Variants in SLIT1 observed in about 807,000 individuals in gnomAD.
SLIT1 encodes the protein slit homolog 1 protein.
SLIT1 carries 66 observed loss-of-function variants against 186.1 expected under a neutral mutation model. That is an observed-to-expected ratio of 0.35 (90% CI 0.29 to 0.44). SLIT1 has a LOEUF of 0.44. Ranked by LOEUF, SLIT1 falls within the 20% of genes least tolerant of loss-of-function variation. SLIT1 has a pLI of 1.00. For synonymous variants in SLIT1, 761 were observed against 833.8 expected, an observed-to-expected ratio of 0.91 and a Z score of 1.50; for missense variants, 1,638 against 2,037.4, an observed-to-expected ratio of 0.80 and a Z score of 3.77.
In SLIT1 at chr10:97,006,683, G is replaced by C; in HGVS notation, c.3379C>G (p.Pro1127Ala). Residue 1127 changes from proline to alanine, a missense_variant, in exon 32 of 37, where the codon CCC becomes GCC. Physicochemically the swap from Pro to Ala is conservative, Grantham distance 27. Coordinates refer to ENST00000266058, the MANE Select transcript of SLIT1 (RefSeq NM_003061.3). The surrounding 1 kb of genome is among the most constrained non-coding windows in gnomAD (Gnocchi z 4.0). Reference sequence around the variant, plus strand: ...TCAGTCCCCTCACAGGGGCTCTTGGGGGCAGGCAGATGGGGAGGGATCTCA... The same window carrying C: ...TCAGTCCCCTCACAGGGGCTCTTGGCGGCAGGCAGATGGGGAGGGATCTCA... ...LCEIPPHLPA[P>A]KSPCEGTECQ... 6.2e-7 allele frequency: 1 copy of C among 1,614,098 alleles called. No homozygotes were observed. Among genetic ancestry groups the C allele is most frequent in the Non-Finnish European group, 8.5e-7 (1 of 1,179,986 alleles).
rs368638296 is a variant in SLIT1, at chr10:97,030,713, G to A, written c.2582+44C>T. The stretch of plus-strand genomic sequence containing the variant: ...GGGATCTTCTCAGAAACCAAGTCCT[G>A]TTGAAATCCAAAGAGGCCCAGAGAA... On this transcript the variant is annotated intron_variant, in intron 25 of 36. Transcript: ENST00000266058. 3.9e-5 allele frequency: 58 copies of A among 1,499,668 alleles called. No individual in the cohort carries two copies. The African/African-American group carries it at 7.0e-4, about 18-fold the overall frequency. The allele number at this position is 1,499,668 out of a possible 1,614,324, so 92.9% of individuals were successfully genotyped here. A position where few individuals can be genotyped will look rare whatever the true frequency, so the allele number is the denominator to read the frequency against.
intron 4 of SLIT1, among the ~76,000 whole-genome samples, chr10:97,126,124 C>T (rs1035663558): frequency 6.6e-6 from 1 of 152,100 alleles, no homozygotes. Context: ...TATATGTCTC[C>T]GTCTTATTTA....
At chr10:97,027,156 G>T (rs1848553102) in intron 25 of SLIT1, among the ~76,000 whole-genome samples, 1 of 152,192 alleles carries the variant, frequency 6.6e-6, no homozygotes, top group South Asian at 2.1e-4. Flanking sequence ...ACCCTCGATT[G>T]TCACTTGTCA....
In SLIT1 at chr10:97,021,220, A is replaced by AG. The variant is rs1848499370; in HGVS notation, c.2746+29dup. On this transcript the variant is annotated intron_variant, in intron 26 of 36. Coordinates refer to ENST00000266058, the MANE Select transcript of SLIT1 (RefSeq NM_003061.3). This position sits in a 1 kb window ranked among gnomAD's most constrained non-coding sequence, Gnocchi z 4.5. ...TGTTGGGCAAGTTCTGTGAGCCCCC[A>AG]GCAGCAGGAGGCTGTGCTCCTAGGC... 1.2e-6 allele frequency: 2 copies of AG among 1,603,550 alleles called. No homozygotes were observed. The highest frequency in any genetic ancestry group is 1.7e-4 in the Middle Eastern group (1 of 6,026).
At chr10:97,033,793 G>A (rs1848612332) in intron 23 of SLIT1, among the ~76,000 whole-genome samples, 1 of 151,970 alleles carries the variant, frequency 6.6e-6, no homozygotes, top group South Asian at 2.1e-4. Flanking sequence ...CAGGACAGCA[G>A]CTGCCTTGGG....
intron 4 of SLIT1, among the ~76,000 whole-genome samples, chr10:97,140,456 G>C (rs1206500057): frequency 6.6e-6 from 1 of 152,182 alleles, no homozygotes; most frequent in Admixed American, 6.5e-5. Flanking sequence ...CCCGCCAAAG[G>C]GAATTCTCCG....
chr10:97,060,041 C>A, intron 10 of SLIT1, 46 bp downstream of exon 10: 2 of 1,516,160 alleles, frequency 1.3e-6, no homozygotes, highest in Non-Finnish European at 1.8e-6. Flanking sequence ...CCAGGATCTC[C>A]GTCAGCCCTG....
At chr10:97,071,603 G>A (rs1849001649) in intron 4 of SLIT1, among the ~76,000 whole-genome samples, 1 of 152,232 alleles carries the variant, frequency 6.6e-6, no homozygotes, top group Non-Finnish European at 1.5e-5. Flanking sequence ...ACAGAGAAGA[G>A]GAGGAATCAA....
intron 1 of SLIT1, among the ~76,000 whole-genome samples, chr10:97,177,533 C>T (rs572298824): frequency 3.9e-4 from 59 of 152,164 alleles, no homozygotes; most frequent in Non-Finnish European, 7.3e-4. Context: ...GAAAGTAACA[C>T]AAATGTATTA....
intron 4 of SLIT1, among the ~76,000 whole-genome samples, chr10:97,075,196 T>C (rs1016540670): frequency 8.5e-5 from 13 of 152,346 alleles, no homozygotes; most frequent in Middle Eastern, 3.4e-3. Flanking sequence ...GCACCTCATC[T>C]GGGGGCTTAG....
Position 97,060,607 on chromosome 10 carries a change from T to G in SLIT1, c.941+33A>C, listed in dbSNP as rs1309345435. ...TCCAGAGCCAGGCCTGCCAAAGGGC[T>G]GTGCCCCAGCATCTGCCCTGCCCCG... On this transcript the variant is annotated intron_variant, in intron 9 of 36. Transcript: ENST00000266058. 3 of 1,611,292 alleles carry G rather than the reference T, an allele frequency of 1.9e-6. No individual in the cohort carries two copies. The East Asian group carries it at 6.7e-5, about 36-fold the overall frequency.
intron 20 of SLIT1, among the ~76,000 whole-genome samples, chr10:97,040,674 T>C (rs1848682915): frequency 6.6e-6 from 1 of 152,198 alleles, no homozygotes; most frequent in Non-Finnish European, 1.5e-5. Context: ...TTAGGCACCT[T>C]GCTTGAATCA....
chr10:97,038,135 T>C (rs1024049657), intron 21 of SLIT1, among the ~76,000 whole-genome samples: 4 of 152,120 alleles, frequency 2.6e-5, no homozygotes, highest in African/African-American at 9.7e-5. Context: ...TACCGGGCCC[T>C]GCCAGCTCCC....
intron 4 of SLIT1, among the ~76,000 whole-genome samples, chr10:97,094,262 T>C (rs1285138100): frequency 6.6e-6 from 1 of 152,236 alleles, no homozygotes; most frequent in Non-Finnish European, 1.5e-5. Flanking sequence ...GGGACCTTTG[T>C]GGGAATTAGA....
chr10:97,152,139 C>T (rs1268648851), intron 4 of SLIT1, among the ~76,000 whole-genome samples: 1 of 152,162 alleles, frequency 6.6e-6, no homozygotes, highest in Admixed American at 6.5e-5. Context: ...AAGCATATCT[C>T]CCACATCCTC....
intron 4 of SLIT1, among the ~76,000 whole-genome samples, chr10:97,105,300 A>C (rs1298680838): frequency 6.6e-6 from 1 of 152,240 alleles, no homozygotes; most frequent in Non-Finnish European, 1.5e-5. Flanking sequence ...GGTCATGATA[A>C]AGAAGATGAG....
At chr10:97,014,217 T>G (rs967585904) in intron 28 of SLIT1, 59 bp from the exon 29 acceptor site, 12 of 1,579,050 alleles carry the variant, frequency 7.6e-6, no homozygotes, top group Non-Finnish European at 1.0e-5. Flanking sequence ...TGGAAGCCTG[T>G]GGCTGCCGGT....
intron 3 of SLIT1, 138 bp downstream of exon 3, chr10:97,163,242 C>T: frequency 1.4e-6 from 1 of 724,972 alleles, no homozygotes; most frequent in East Asian, 2.5e-5. Context: ...CTGCTCCTGG[C>T]TCCATCCGCT....
chr10:97,019,994 A>T (rs1211404979), intron 26 of SLIT1, among the ~76,000 whole-genome samples: 2 of 148,268 alleles, frequency 1.3e-5, no homozygotes, highest in Middle Eastern at 3.4e-3. Flanking sequence ...TTTTTTTTTT[A>T]GACAGGGTCT....
Sources: gnomAD v4.1 joint callset for allele counts (sites outside exome capture counted in the v4.1 genomes callset) on GRCh38, gnomAD v4.1.1 for gene constraint, Gnocchi (gnomAD v3.1) non-coding constraint, MANE v1.5 for transcripts, NCBI Gene and HGNC (gene_info 2026-07-23, HGNC 2026-07-21) for gene names.